CA10: variants seen among roughly 807,000 people sequenced by gnomAD.
CA10 encodes the protein carbonic anhydrase-related protein 10.
Under a neutral mutation model 44.2 loss-of-function variants are expected in CA10, and 14 were observed. The observed-to-expected ratio is 0.32, with a 90% CI of 0.21 to 0.50. The LOEUF is 0.50. Ranked by LOEUF, CA10 falls within the 20% of genes least tolerant of loss-of-function variation. The pLI, the probability that CA10 is intolerant of heterozygous loss-of-function variation, is 0.99. For synonymous variants in CA10, 159 were observed against 141.6 expected, an observed-to-expected ratio of 1.12 and a Z score of -0.87; for missense variants, 350 against 409.7, an observed-to-expected ratio of 0.85 and a Z score of 1.26.
chr17:51,897,144 AG>A (rs1389316043), intron 3 of CA10, among the ~76,000 whole-genome samples: 1 of 152,034 alleles, frequency 6.6e-6, no homozygotes, highest in African/African-American at 2.4e-5. Context: ...AATTTTTGCC[AG>A]AGCCTATGTC....
intron 1 of CA10, among the ~76,000 whole-genome samples, chr17:52,139,085 A>G (rs1989421584): frequency 1.3e-5 from 2 of 152,224 alleles, no homozygotes; most frequent in South Asian, 4.1e-4. Flanking sequence ...GCTGTTCTTT[A>G]TAATACCCGG....
intron 2 of CA10, among the ~76,000 whole-genome samples, chr17:51,935,496 T>C (rs1982830362): frequency 1.3e-5 from 2 of 152,200 alleles, no homozygotes; most frequent in Admixed American, 6.5e-5. Flanking sequence ...AATTTACATA[T>C]AAACTAGAAC....
rs191964291 is a variant in CA10, at chr17:51,640,833, G to A, written c.635-4824C>T. On this transcript the variant is annotated intron_variant, in intron 6 of 8. Coordinates refer to ENST00000451037, the MANE Select transcript of CA10 (RefSeq NM_020178.5). ...AAACCATTGTTTGGTTCTTGTCAGC[G>A]TTATCGTCTGGGCATTATAGACAGA... 2.1e-4 allele frequency among the ~76,000 whole-genome samples: 32 copies of A among 152,248 alleles called. No homozygotes were observed. The East Asian group carries it at 3.3e-3, about 16-fold the overall frequency.
At chr17:51,826,809 A>G (rs1908025237) in intron 3 of CA10, among the ~76,000 whole-genome samples, 1 of 152,164 alleles carries the variant, frequency 6.6e-6, no homozygotes. Context: ...TGGTCTGGCT[A>G]TGTCCCTCAA....
At position 51,945,135 on chromosome 17, in the gene CA10, G is replaced by T. The variant is rs142893764; in HGVS notation, c.137-14003C>A. Among the ~76,000 whole-genome samples the T allele has an allele frequency of 8.5e-5, 13 of 152,288 alleles. No homozygotes were observed. The East Asian group carries it at 2.5e-3, about 29-fold the overall frequency. On this transcript the variant is annotated intron_variant, in intron 2 of 8. Coordinates refer to ENST00000451037, the MANE Select transcript of CA10 (RefSeq NM_020178.5). ...TTTTCATCCCTGCCCTTGGACAAGA[G>T]AAGCTAATAGGGATTTAGTTAATTG...
rs1365120372 is a variant in CA10, at chr17:52,158,019, C to T, written c.-233G>A. 4 of 584,082 alleles carry T rather than the reference C, an allele frequency of 6.8e-6. No individual in the cohort carries two copies. The Admixed American group carries it at 1.2e-4, about 17-fold the overall frequency. The allele number at this position is 584,082 out of a possible 1,614,324, so 36.2% of individuals were successfully genotyped here. ...GATGTGCGCCCCAGATGTGCTGACA[C>T]ATGTCCGATGCCTCGCTGCCTTGGA... is the stretch of plus-strand genomic sequence containing the variant. On this transcript the variant is annotated 5_prime_UTR_variant, in exon 1 of 9. The change creates a new upstream start codon in the 5' untranslated region. Transcript: ENST00000451037.
At chr17:51,898,577 G>A (rs1981173928) in intron 3 of CA10, among the ~76,000 whole-genome samples, 1 of 152,114 alleles carries the variant, frequency 6.6e-6, no homozygotes. Context: ...GAATGAGTTA[G>A]AGACAAGTCC....
At chr17:51,738,521 T>C (rs1916987088) in intron 4 of CA10, among the ~76,000 whole-genome samples, 1 of 152,220 alleles carries the variant, frequency 6.6e-6, no homozygotes, top group African/African-American at 2.4e-5. Context: ...TAAGACACTA[T>C]ATTTTAGTCT....
chr17:52,027,486 T>A (rs1380801490), intron 2 of CA10, among the ~76,000 whole-genome samples: 1 of 152,176 alleles, frequency 6.6e-6, no homozygotes, highest in African/African-American at 2.4e-5. Context: ...GTTTGAACTA[T>A]AATTATCTGA....
intron 4 of CA10, among the ~76,000 whole-genome samples, chr17:51,745,223 T>C (rs2143599209): frequency 6.6e-6 from 1 of 152,274 alleles, no homozygotes; most frequent in Middle Eastern, 3.4e-3. Context: ...ACTGGGATAA[T>C]TCAGGCGGAG....
chr17:51,848,771 G>A (rs969981024), intron 3 of CA10, among the ~76,000 whole-genome samples: 24 of 152,296 alleles, frequency 1.6e-4, no homozygotes, highest in Middle Eastern at 3.4e-3. Flanking sequence ...TGTGGGCAGG[G>A]CATGGTGGCT....
chr17:51,732,772 A>G (rs1916766633), intron 4 of CA10, among the ~76,000 whole-genome samples: 1 of 152,230 alleles, frequency 6.6e-6, no homozygotes, highest in African/African-American at 2.4e-5. Context: ...AGTCAGTACA[A>G]GAAGGTCTTG....
In CA10 at chr17:51,894,867, G is replaced by A. The variant is rs570044967; in HGVS notation, c.279+36123C>T. Among the ~76,000 whole-genome samples, 175 of 152,146 alleles carry A rather than the reference G, an allele frequency of 1.2e-3. 1 individual carries two copies. The highest frequency in any genetic ancestry group is 3.9e-3 in the African/African-American group (163 of 41,520). ...GGAAAGAAAGAGATACAGATGGAGG[G>A]TATGATGTAATCAAATAAATAATAG... On this transcript the variant is annotated intron_variant, in intron 3 of 8. Transcript: ENST00000451037.
At chr17:52,156,135 C>T (rs959056063) in intron 1 of CA10, among the ~76,000 whole-genome samples, 1 of 152,078 alleles carries the variant, frequency 6.6e-6, no homozygotes, top group Non-Finnish European at 1.5e-5. Flanking sequence ...ATTAATGACA[C>T]TGGGGAGAAG....
chr17:51,918,811 A>C (rs1982109031), intron 3 of CA10, among the ~76,000 whole-genome samples: 2 of 152,226 alleles, frequency 1.3e-5, no homozygotes, highest in South Asian at 4.1e-4. Context: ...TTTTGGCCCT[A>C]GCATACTACA....
At chr17:51,940,524 T>G (rs545723591) in intron 2 of CA10, among the ~76,000 whole-genome samples, 1 of 152,154 alleles carries the variant, frequency 6.6e-6, no homozygotes, top group South Asian at 2.1e-4. Flanking sequence ...TCATACTTGA[T>G]AGAGGACAGT....
rs565322774 is a variant in CA10, at chr17:51,739,293, G to A, written c.465+8340C>T. On this transcript the variant is annotated intron_variant, in intron 4 of 8. Transcript: ENST00000451037. ...CGGTACTCATGCCTGTAACTGCAGT[G>A]TCACTGGTTACTAAATAAACGAAGG... Among the ~76,000 whole-genome samples, 3 of 152,206 alleles carry A rather than the reference G, an allele frequency of 2.0e-5. No individual in the cohort carries two copies. The South Asian group carries it at 6.3e-4, about 32-fold the overall frequency.
At chr17:51,719,343 G>C (rs922506847) in intron 4 of CA10, among the ~76,000 whole-genome samples, 2 of 152,168 alleles carry the variant, frequency 1.3e-5, no homozygotes, top group Non-Finnish European at 2.9e-5. Context: ...GAACCTAGGT[G>C]ACACCTGAGG....
At chr17:51,815,939 C>T (rs1359501146) in intron 3 of CA10, among the ~76,000 whole-genome samples, 1 of 152,154 alleles carries the variant, frequency 6.6e-6, no homozygotes, top group Non-Finnish European at 1.5e-5. Context: ...CCCAACTACA[C>T]TCTTGTAGTT....
Sources: allele counts gnomAD v4.1 joint callset (sites outside exome capture counted in the v4.1 genomes callset), GRCh38; gene constraint gnomAD v4.1.1; transcripts MANE v1.5; gene names NCBI Gene and HGNC (gene_info 2026-07-23, HGNC 2026-07-21).